The following INSR variants were observed in gnomAD, a reference collection of about 807,000 sequenced individuals.
INSR encodes IR.
INSR carries 67 observed loss-of-function variants against 142.6 expected under a neutral mutation model. The ratio of observed to expected loss-of-function variants is 0.47; its 90% CI spans 0.39 to 0.58. The LOEUF (loss-of-function observed/expected upper bound fraction) is 0.58, where lower values mean the gene tolerates loss of function less well. INSR is among the 20% of genes least tolerant of loss of function. The pLI is 0.00. For synonymous variants in INSR, 756 were observed against 743.1 expected (o/e 1.02, Z -0.28); for missense variants, 1,248 against 1,833.2 (o/e 0.68, Z 5.83).
At chr19:7,178,580 G>A (rs1002054667) in intron 3 of INSR, among the ~76,000 whole-genome samples, 7 of 152,114 alleles carry the variant, frequency 4.6e-5, no homozygotes, top group African/African-American at 7.2e-5. Flanking sequence ...TTAGCCGTGC[G>A]TGATGGTGCA....
rs111619369 is a variant in INSR, at chr19:7,121,000, CT to C, written c.3530-252del. 2.2e-3 allele frequency among the ~76,000 whole-genome samples: 331 copies of C among 147,356 alleles called. 2 individuals carry two copies. The East Asian group carries it at 0.026, about 12-fold the overall frequency. On this transcript the variant is annotated intron_variant, in intron 19 of 21. Transcript: ENST00000302850. ...CAAATCACAAAGAAGCTACATTTTT[CT>C]TTTTTTTTTTCTTTGATATGGAGCC...
intron 1 of INSR, among the ~76,000 whole-genome samples, chr19:7,270,758 G>A (rs933541393): frequency 8.3e-5 from 12 of 145,106 alleles, no homozygotes; most frequent in African/African-American, 5.1e-5. Context: ...ACCTCGTCTC[G>A]ATTAAAAAAA....
In INSR at chr19:7,267,258, C is replaced by T; in HGVS notation, c.652+87G>A. ...TATTCCCCGGCCCCTACCTAATGAC[C>T]ATTTAACATTTTTAAGCCATAAAAC... On this transcript the variant is annotated intron_variant, in intron 2 of 21. Transcript: ENST00000302850. The surrounding 1 kb of genome is among the most constrained non-coding windows in gnomAD (Gnocchi z 6.3). 7.1e-7 allele frequency: 1 copy of T among 1,410,954 alleles called. No homozygotes were observed. The highest frequency in any genetic ancestry group is 9.9e-7 in the Non-Finnish European group (1 of 1,006,326). 87.4% of individuals were successfully genotyped at this position (1,410,954 alleles called of 1,614,324 possible). A position where few individuals can be genotyped will look rare whatever the true frequency, so the allele number is the denominator to read the frequency against.
rs1031247635 is a variant in INSR, at chr19:7,192,964, C to T, written c.653-8327G>A. Among the ~76,000 whole-genome samples the T allele has an allele frequency of 2.0e-5, 3 of 152,140 alleles. No individual in the cohort carries two copies. The highest frequency in any genetic ancestry group is 4.4e-5 in the Non-Finnish European group (3 of 68,016). ...CTGTGTCAGAGTCCTCTGGTGGACC[C>T]TCCCCAAGAAAGACAATGTCCCCAC... On this transcript the variant is annotated intron_variant, in intron 2 of 21. Coordinates refer to ENST00000302850, the MANE Select transcript of INSR (RefSeq NM_000208.4). This position sits in a 1 kb window ranked among gnomAD's most constrained non-coding sequence, Gnocchi z 4.2.
rs58240555 is a variant in INSR, at chr19:7,128,623, CA to C, written c.2945+228del. Reference sequence around the variant, plus strand: ...TTAGCTTCGGATATAAAGGTTTGGGCAAAAAAAAAAATCAATAAAAACATTC... The same window carrying C: ...TTAGCTTCGGATATAAAGGTTTGGGCAAAAAAAAAATCAATAAAAACATTC... On this transcript the variant is annotated intron_variant, in intron 15 of 21. Coordinates refer to ENST00000302850, the MANE Select transcript of INSR (RefSeq NM_000208.4). Among the ~76,000 whole-genome samples, 946 of 139,580 alleles carry C rather than the reference CA, an allele frequency of 6.8e-3. 3 individuals carry two copies. Among genetic ancestry groups the C allele is most frequent in the Middle Eastern group, 0.022 (6 of 272 alleles). 91.6% of individuals were successfully genotyped at this position (139,580 alleles called of 152,430 possible).
At chr19:7,273,983 A>C (rs1967992767) in intron 1 of INSR, among the ~76,000 whole-genome samples, 1 of 151,760 alleles carries the variant, frequency 6.6e-6, no homozygotes. Context: ...ACAAAGCAAG[A>C]CTCCATCTCA....
In INSR at chr19:7,166,099, T is replaced by C; in HGVS notation, c.1861+55A>G. ...TATACAACCTCACTGCATCAGCCTA[T>C]TAAAAGCAAGAGGTCTGATTCACAT... On this transcript the variant is annotated intron_variant, in intron 8 of 21. Coordinates refer to ENST00000302850, the MANE Select transcript of INSR (RefSeq NM_000208.4). The surrounding 1 kb of genome is among the most constrained non-coding windows in gnomAD (Gnocchi z 4.1). The C allele has an allele frequency of 1.2e-6, 2 of 1,608,528 alleles. No homozygotes were observed. The highest frequency in any genetic ancestry group is 1.7e-5 in the Admixed American group (1 of 59,920).
rs1019737019 is a variant in INSR at position 7,113,862 on chromosome 19, C to G, written c.*3194G>C. 23 of 152,148 alleles carry G rather than the reference C, an allele frequency of 1.5e-4. No homozygotes were observed. The highest frequency in any genetic ancestry group is 5.3e-4 in the African/African-American group (22 of 41,484). The allele number at this position is 152,148 out of a possible 1,614,324, so 9.4% of individuals were successfully genotyped here. A position where few individuals can be genotyped will look rare whatever the true frequency, so the allele number is the denominator to read the frequency against. The stretch of plus-strand genomic sequence containing the variant: ...AAGGGGCAGGCCCAGCACACCCTAC[C>G]TTTCTCCAGGGCAGGTGGAGAAAGG... On this transcript the variant is annotated 3_prime_UTR_variant, in exon 22 of 22. Coordinates refer to ENST00000302850, the MANE Select transcript of INSR (RefSeq NM_000208.4).
intron 2 of INSR, among the ~76,000 whole-genome samples, chr19:7,202,603 G>A (rs981042531): frequency 4.6e-5 from 7 of 151,194 alleles, no homozygotes; most frequent in African/African-American, 7.3e-5. Context: ...GGGTTCAAGC[G>A]GTTCTCCTGC....
intron 2 of INSR, among the ~76,000 whole-genome samples, chr19:7,227,502 G>C (rs886324459): frequency 1.4e-4 from 21 of 152,048 alleles, no homozygotes; most frequent in African/African-American, 4.1e-4. Context: ...CAAACTTCTG[G>C]ACTCAAGCGA....
chr19:7,117,695 C>T (rs909341444), intron 21 of INSR, among the ~76,000 whole-genome samples: 1 of 152,162 alleles, frequency 6.6e-6, no homozygotes, highest in Non-Finnish European at 1.5e-5. Flanking sequence ...CAGCCTCTGC[C>T]TCCTAGGCTC....
intron 2 of INSR, among the ~76,000 whole-genome samples, chr19:7,233,390 G>T (rs1156878451): frequency 6.6e-6 from 1 of 152,188 alleles, no homozygotes; most frequent in East Asian, 1.9e-4. Flanking sequence ...AACAGGTTAA[G>T]CCTGGTTCCA....
intron 2 of INSR, among the ~76,000 whole-genome samples, chr19:7,199,548 C>G (rs1166294912): frequency 2.1e-5 from 3 of 144,192 alleles, no homozygotes; most frequent in Admixed American, 7.0e-5. Flanking sequence ...CAGGAGAGTG[C>G]CACTGCGACA....
intron 2 of INSR, among the ~76,000 whole-genome samples, chr19:7,266,804 T>G (rs1175912269): frequency 6.6e-6 from 1 of 152,224 alleles, no homozygotes; most frequent in Non-Finnish European, 1.5e-5. Flanking sequence ...GCGACATGCG[T>G]TGTGGAATAA....
At chr19:7,186,350 C>T (rs1974431140) in intron 2 of INSR, among the ~76,000 whole-genome samples, 1 of 152,146 alleles carries the variant, frequency 6.6e-6, no homozygotes, top group African/African-American at 2.4e-5. Flanking sequence ...ATATGAACAG[C>T]ACCATCTGGT....
At position 7,119,439 on chromosome 19, in the gene INSR, C is replaced by CA. The variant is rs1450994704; in HGVS notation, c.3794+9_3794+10insT. On this transcript the variant is annotated intron_variant, in intron 21 of 21. Coordinates refer to ENST00000302850, the MANE Select transcript of INSR (RefSeq NM_000208.4). This position sits in a 1 kb window ranked among gnomAD's most constrained non-coding sequence, Gnocchi z 5.2. ...ACACCTCACACACCTTAAACCCTTT[C>CA]TACACTTACACTCTCTCTGGACAGT... 6.2e-7 allele frequency: 1 copy of CA among 1,614,190 alleles called. No individual in the cohort carries two copies. Among genetic ancestry groups the CA allele is most frequent in the East Asian group, 2.2e-5 (1 of 44,886 alleles).
intron 13 of INSR, among the ~76,000 whole-genome samples, chr19:7,140,768 C>T (rs545514306): frequency 6.8e-5 from 10 of 147,662 alleles, no homozygotes; most frequent in African/African-American, 1.5e-4. Flanking sequence ...TTAGAATTAA[C>T]GGCCCTTTTT....
rs34590794 is a variant in INSR at position 7,288,950 on chromosome 19, GAAA to G, written c.100+4839_100+4841del. 4.5e-3 allele frequency among the ~76,000 whole-genome samples: 403 copies of G among 88,684 alleles called. 3 individuals carry two copies. Among genetic ancestry groups the G allele is most frequent in the African/African-American group, 0.015 (367 of 23,804 alleles). The allele number at this position is 88,684 out of a possible 152,430, so 58.2% of individuals were successfully genotyped here. A position where few individuals can be genotyped will look rare whatever the true frequency, so the allele number is the denominator to read the frequency against. On this transcript the variant is annotated intron_variant, in intron 1 of 21. Transcript: ENST00000302850. ...TGCACACCAGCCCGGGTGAAGAAGT[GAAA>G]AAAAAAAAAAAAAAAAAGTGAGCTG...
chr19:7,128,456 C>T (rs1344206589), intron 15 of INSR, among the ~76,000 whole-genome samples: 1 of 152,022 alleles, frequency 6.6e-6, no homozygotes, highest in Non-Finnish European at 1.5e-5. Context: ...TCAGGTGATT[C>T]ACCCGCCTTG....
Sources: allele counts gnomAD v4.1 joint callset (sites outside exome capture counted in the v4.1 genomes callset), GRCh38; gene constraint gnomAD v4.1.1; non-coding constraint Gnocchi (gnomAD v3.1); transcripts MANE v1.5; gene names NCBI Gene and HGNC (gene_info 2026-07-23, HGNC 2026-07-21).